C4orf36: variants seen among roughly 807,000 people sequenced by gnomAD.
C4orf36 encodes the protein uncharacterized protein C4orf36.
C4orf36 carries 11 observed loss-of-function variants against 12.2 expected under a neutral mutation model. The observed-to-expected ratio is 0.90, with a 90% CI of 0.57 to 1.49. C4orf36 has a LOEUF of 1.49. Ranked by LOEUF, C4orf36 falls within the 40% of genes most tolerant of loss-of-function variation. The probability of loss-of-function intolerance (pLI) is 0.00; values close to 1 mark genes in which losing one functional copy is unlikely to be tolerated. For missense variants in C4orf36, 137 were observed against 133.9 expected (o/e 1.02, Z -0.11); for synonymous variants, 54 against 51.3 (o/e 1.05, Z -0.22).
At chr4:86,905,734 T>A in the C4orf36 span, among the ~76,000 whole-genome samples, 10 of 151,768 alleles carry the variant, frequency 6.6e-5, no homozygotes, top group African/African-American at 2.2e-4. Context: ...TTCTTTTTTT[T>A]TGAGACATAG....
At chr4:86,932,807 G>A in the C4orf36 span, among the ~76,000 whole-genome samples, 8 of 148,748 alleles carry the variant, frequency 5.4e-5, 1 homozygote, top group South Asian at 1.1e-3. Context: ...AAAAAGCACC[G>A]ATGTCAGAAA....
chr4:86,888,380 T>C, intron 2 of C4orf36, 105 bp from the exon 3 acceptor site: 2 of 1,155,934 alleles, frequency 1.7e-6, no homozygotes. Context: ...CTAGACATTT[T>C]GGTTTATGGG....
the C4orf36 span, among the ~76,000 whole-genome samples, chr4:86,916,633 C>T: frequency 6.6e-6 from 1 of 152,160 alleles, no homozygotes; most frequent in African/African-American, 2.4e-5. Context: ...TGGAACTCTT[C>T]CATTACTGAG....
intron 1 of C4orf36, 137 bp downstream of exon 1, chr4:86,892,046 C>A: frequency 1.0e-6 from 1 of 986,300 alleles, no homozygotes; most frequent in African/African-American, 1.7e-5. Flanking sequence ...CACGCCGATT[C>A]GGGGCGAGTC....
At chr4:86,930,345 T>C in the C4orf36 span, among the ~76,000 whole-genome samples, 1 of 152,278 alleles carries the variant, frequency 6.6e-6, no homozygotes, top group East Asian at 1.9e-4. Flanking sequence ...ACTAATCTAA[T>C]TTTGTGTATA....
chr4:86,931,020 C>G, the C4orf36 span, among the ~76,000 whole-genome samples: 1 of 152,168 alleles, frequency 6.6e-6, no homozygotes, highest in South Asian at 2.1e-4. Flanking sequence ...ATAATTGTAG[C>G]CTGACTGTCT....
At chr4:86,931,296 T>C in the C4orf36 span, among the ~76,000 whole-genome samples, 2 of 152,186 alleles carry the variant, frequency 1.3e-5, no homozygotes, top group African/African-American at 4.8e-5. Flanking sequence ...TAACCTGGCT[T>C]AGACTAATCC....
At chr4:86,932,124 A>G in the C4orf36 span, 2 of 152,232 alleles carry the variant, frequency 1.3e-5, no homozygotes, top group African/African-American at 4.8e-5. Flanking sequence ...AGATGGGCAG[A>G]TAACCTGAGG....
At chr4:86,932,418 G>A in the C4orf36 span, 5 of 151,258 alleles carry the variant, frequency 3.3e-5, no homozygotes, top group Non-Finnish European at 7.4e-5. Context: ...AGATATACAT[G>A]CAGTCATTTG....
the C4orf36 span, among the ~76,000 whole-genome samples, chr4:86,917,933 T>A: frequency 6.6e-6 from 1 of 152,238 alleles, no homozygotes; most frequent in African/African-American, 2.4e-5. Context: ...GGTATAGGAA[T>A]TTTTCAACTC....
the C4orf36 span, chr4:86,913,673 G>A: frequency 1.2e-6 from 2 of 1,602,268 alleles, no homozygotes; most frequent in East Asian, 4.5e-5. Flanking sequence ...CAGACATGGT[G>A]CTGTTGTGGC....
At chr4:86,894,439 GAGAC>G (rs1747547594), upstream of C4orf36, among the ~76,000 whole-genome samples, 1 of 152,108 alleles carries the variant, frequency 6.6e-6, no homozygotes, top group African/African-American at 2.4e-5. Flanking sequence ...TGAAAAAACA[GAGAC>G]AGAGAAGTTA....
the C4orf36 span, among the ~76,000 whole-genome samples, chr4:86,911,930 G>T: frequency 2.0e-5 from 3 of 152,106 alleles, no homozygotes; most frequent in Non-Finnish European, 4.4e-5. Context: ...GCGTGATCTT[G>T]GCTCACTGCA....
chr4:86,930,480 G>T, the C4orf36 span, among the ~76,000 whole-genome samples: 5 of 152,198 alleles, frequency 3.3e-5, no homozygotes, highest in Non-Finnish European at 5.9e-5. Flanking sequence ...CTTTATTCAT[G>T]AACTAGACAA....
chr4:86,892,357 C>CGCACACGCCTCGGGGCCGCGCCGCAG lies in C4orf36; in HGVS notation c.-274_-249dup. ...GCGCTGCGCTAAGCGCACATGGCCG[C>CGCACACGCCTCGGGGCCGCGCCGCAG]GCACACGCCTCGGGGCCGCGCCGCA... On this transcript the variant is annotated 5_prime_UTR_variant, in exon 1 of 5. Transcript: ENST00000295898. The CGCACACGCCTCGGGGCCGCGCCGCAG allele has an allele frequency of 1.0e-6, 1 of 985,488 alleles. No homozygotes were observed. The highest frequency in any genetic ancestry group is 4.7e-5 in the South Asian group (1 of 21,294). 61.0% of individuals were successfully genotyped at this position (985,488 alleles called of 1,614,324 possible).
At chr4:86,893,864 T>TTTATTTA (rs1747522640), upstream of C4orf36, among the ~76,000 whole-genome samples, 2 of 138,286 alleles carry the variant, frequency 1.4e-5, no homozygotes, top group African/African-American at 5.3e-5. Flanking sequence ...TGGCCTGAAT[T>TTTATTTA]TTTATTTATT....
At chr4:86,905,424 G>A in the C4orf36 span, among the ~76,000 whole-genome samples, 149,442 of 152,180 alleles carry the variant, frequency 0.98, 73,444 homozygotes, top group East Asian at 1. Context: ...TGGCAGTTGC[G>A]TGCCTGTAGT....
chr4:86,916,198 T>C, the C4orf36 span, among the ~76,000 whole-genome samples: 29,368 of 151,896 alleles, frequency 0.19, 2,895 homozygotes, highest in South Asian at 0.21. Flanking sequence ...AGGAAGAAGA[T>C]TGAAACACTG....
chr4:86,897,020 G>A (rs1384643733), upstream of C4orf36, among the ~76,000 whole-genome samples: 1 of 152,110 alleles, frequency 6.6e-6, no homozygotes, highest in Non-Finnish European at 1.5e-5. Context: ...TAAGGGGGAA[G>A]AAACTAATAC....
Sources: gnomAD v4.1 joint callset for allele counts (sites outside exome capture counted in the v4.1 genomes callset) on GRCh38, gnomAD v4.1.1 for gene constraint, MANE v1.5 for transcripts, NCBI Gene and HGNC (gene_info 2026-07-23, HGNC 2026-07-21) for gene names.